TOPAZ1: variants seen among roughly 807,000 people sequenced by gnomAD.
TOPAZ1 encodes protein TOPAZ1.
In TOPAZ1, 66 loss-of-function variants were observed where a neutral mutation model predicts 172.2. The ratio of observed to expected loss-of-function variants is 0.38; its 90% CI spans 0.31 to 0.47. TOPAZ1 has a LOEUF of 0.47. TOPAZ1 is among the 20% of genes least tolerant of loss of function. The probability of loss-of-function intolerance (pLI) is 0.99; values close to 1 mark genes in which losing one functional copy is unlikely to be tolerated. For missense variants in TOPAZ1, 1,822 were observed against 1,972.4 expected (o/e 0.92, Z 1.44); for synonymous variants, 681 against 683.9 (o/e 1.00, Z 0.07).
chr3:44,267,121 A>G lies in TOPAZ1; in HGVS notation c.3145A>G (p.Asn1049Asp). 1 of 1,534,834 alleles carries G rather than the reference A, an allele frequency of 6.5e-7. No homozygotes were observed. The highest frequency in any genetic ancestry group is 8.8e-7 in the Non-Finnish European group (1 of 1,140,820). ...LSGRQEDTILNTWMNDFRFLG... is the reference protein window; with the variant it reads ...LSGRQEDTILDTWMNDFRFLG... ...TGGTCGTCAAGAAGACACAATACTG[A>G]ATACCTGGATGAATGGTACTATTTG... is the stretch of plus-strand genomic sequence containing the variant. The change falls in exon 6 of 20, where the codon AAT becomes GAT. Residue 1049 changes from asparagine (N) to aspartate (D), a missense_variant. Transcript: ENST00000309765.
At chr3:44,333,724 T>A (rs1159775991), downstream of TOPAZ1, among the ~76,000 whole-genome samples, 1 of 152,170 alleles carries the variant, frequency 6.6e-6, no homozygotes, top group African/African-American at 2.4e-5. Context: ...GAAAGGAGTG[T>A]TAATCATTGC....
chr3:44,305,722 A>G (rs1443933772), intron 14 of TOPAZ1, among the ~76,000 whole-genome samples: 1 of 152,198 alleles, frequency 6.6e-6, no homozygotes, highest in Non-Finnish European at 1.5e-5. Flanking sequence ...AAAAAAAGAA[A>G]GAATGTAAAA....
At chr3:44,270,498 T>C (rs1368556060) in intron 7 of TOPAZ1, among the ~76,000 whole-genome samples, 187 bp from the exon 8 acceptor site, 1 of 152,238 alleles carries the variant, frequency 6.6e-6, no homozygotes, top group African/African-American at 2.4e-5. Context: ...CACTCTGAAA[T>C]GATTTTTTAA....
At chr3:44,264,537 G>T (rs1375336022) in intron 5 of TOPAZ1, among the ~76,000 whole-genome samples, 1 of 152,172 alleles carries the variant, frequency 6.6e-6, no homozygotes, top group Non-Finnish European at 1.5e-5. Context: ...TGAATAGGGT[G>T]GTTGAAGATT....
At chr3:44,308,792 A>C (rs866352124) in intron 15 of TOPAZ1, among the ~76,000 whole-genome samples, 2 of 152,358 alleles carry the variant, frequency 1.3e-5, no homozygotes, top group South Asian at 4.1e-4. Context: ...TTTTTTAATG[A>C]AACCTATTCC....
At chr3:44,268,721 A>AGG (rs1459680042) in intron 6 of TOPAZ1, among the ~76,000 whole-genome samples, 8 of 152,058 alleles carry the variant, frequency 5.3e-5, no homozygotes, top group Admixed American at 2.0e-4. Flanking sequence ...CCATTGATTC[A>AGG]GGACCCCACC....
At position 44,267,079 on chromosome 3, in the gene TOPAZ1, C is replaced by T. The variant is rs747951239; in HGVS notation, c.3103C>T (p.Pro1035Ser). 6 of 1,548,362 alleles carry T rather than the reference C, an allele frequency of 3.9e-6. No individual in the cohort carries two copies. The highest frequency in any genetic ancestry group is 1.4e-5 in the African/African-American group (1 of 72,950). The part of the protein sequence containing the change: ...PVPKPLCLLV[P>S]PLNLSGRQED... Reference sequence around the variant, plus strand: ...CCCGAAACCTCTGTGTTTATTAGTACCTCCTTTGAATCTAAGTGGTCGTCA... The same window carrying T: ...CCCGAAACCTCTGTGTTTATTAGTATCTCCTTTGAATCTAAGTGGTCGTCA... Residue 1035 changes from proline to serine, a missense_variant, in exon 6 of 20, where the codon CCT (proline) becomes TCT (serine). Coordinates refer to ENST00000309765, the MANE Select transcript of TOPAZ1 (RefSeq NM_001145030.2).
intron 4 of TOPAZ1, among the ~76,000 whole-genome samples, chr3:44,260,164 C>T (rs566335301): frequency 6.6e-4 from 100 of 152,256 alleles, no homozygotes; most frequent in Non-Finnish European, 1.1e-3. Flanking sequence ...TGCTGAACTG[C>T]GAGTCAATTA....
At chr3:44,334,587 G>A (rs916582708), downstream of TOPAZ1, among the ~76,000 whole-genome samples, 1 of 152,120 alleles carries the variant, frequency 6.6e-6, no homozygotes, top group Admixed American at 6.5e-5. Context: ...CTTAATGAGA[G>A]CATTAAAGAG....
intron 8 of TOPAZ1, among the ~76,000 whole-genome samples, chr3:44,278,957 C>T (rs147600703): frequency 6.6e-6 from 1 of 152,082 alleles, no homozygotes; most frequent in East Asian, 1.9e-4. Context: ...ACTTTTTTAA[C>T]ATAGGCATTT....
At chr3:44,278,249 T>G (rs893940567) in intron 8 of TOPAZ1, among the ~76,000 whole-genome samples, 1 of 152,220 alleles carries the variant, frequency 6.6e-6, no homozygotes, top group African/African-American at 2.4e-5. Flanking sequence ...ATGATGTATT[T>G]TTTTTATGTG....
At chr3:44,300,923 C>T (rs954059759) in intron 12 of TOPAZ1, among the ~76,000 whole-genome samples, 2 of 150,890 alleles carry the variant, frequency 1.3e-5, no homozygotes, top group Non-Finnish European at 2.9e-5. Context: ...TGGTACATAC[C>T]ATGGCATACT....
At position 44,297,388 on chromosome 3, in the gene TOPAZ1, A is replaced by G. The variant is rs531984580; in HGVS notation, c.3797+6502A>G. Reference sequence around the variant, plus strand: ...TCATATCTACAACATAAGAAGAAAAACCACATGATTATTCAATTAATACAG... The same window carrying G: ...TCATATCTACAACATAAGAAGAAAAGCCACATGATTATTCAATTAATACAG... On this transcript the variant is annotated intron_variant, in intron 12 of 19. Transcript: ENST00000309765. Among the ~76,000 whole-genome samples, 40 of 152,244 alleles carry G rather than the reference A, an allele frequency of 2.6e-4. No homozygotes were observed. The East Asian group carries it at 7.5e-3, about 29-fold the overall frequency.
At chr3:44,260,897 A>G (rs923321201) in intron 4 of TOPAZ1, among the ~76,000 whole-genome samples, 3 of 152,142 alleles carry the variant, frequency 2.0e-5, no homozygotes. Context: ...CAGTTGTTCT[A>G]CCATTTATTG....
Position 44,243,014 on chromosome 3 carries a change from A to G in TOPAZ1, c.508A>G (p.Ile170Val), listed in dbSNP as rs1699505649. The G allele has an allele frequency of 6.5e-7, 1 of 1,543,886 alleles. No individual in the cohort carries two copies. The highest frequency in any genetic ancestry group is 1.4e-5 in the African/African-American group (1 of 72,452). Residue 170 changes from isoleucine (I) to valine (V), a missense_variant, in exon 2 of 20, where the codon ATT (isoleucine) becomes GTT (valine). Ile to Val is a conservative substitution (Grantham distance 29). This residue lies in a region of TOPAZ1 where 1,489 missense variants were observed against 1,490.8 expected (regional missense o/e 1.00). Transcript: ENST00000309765. ...ESIIEGIKRR[I>V]RNKKLKSLEN... ...TATAATAGAAGGTATTAAAAGAAGAATTCGAAATAAAAAACTTAAAAGCTT... is the reference window on the plus strand; with the variant it reads ...TATAATAGAAGGTATTAAAAGAAGAGTTCGAAATAAAAAACTTAAAAGCTT...
In TOPAZ1 at chr3:44,243,831, C is replaced by T. The variant is rs1265236681; in HGVS notation, c.1325C>T (p.Ser442Leu). 16 of 1,551,352 alleles carry T rather than the reference C, an allele frequency of 1.0e-5. No individual in the cohort carries two copies. The highest frequency in any genetic ancestry group is 6.0e-5 in the South Asian group (5 of 83,972). ...SEPLGYESMA[S>L]KEDFKSMKSF... ...CCGTTAGGTTATGAAAGCATGGCAT[C>T]GAAAGAGGATTTTAAATCGATGAAA... The change falls in exon 2 of 20, where the codon TCG becomes TTG. Residue 442 changes from serine to leucine, a missense_variant. Transcript: ENST00000309765.
chr3:44,263,254 A>G (rs999325990), intron 5 of TOPAZ1, among the ~76,000 whole-genome samples: 1 of 152,220 alleles, frequency 6.6e-6, no homozygotes, highest in Admixed American at 6.5e-5. Context: ...ATACTAAAGA[A>G]AAAGGAAGAT....
chr3:44,268,692 T>C (rs551600895), intron 6 of TOPAZ1, among the ~76,000 whole-genome samples: 10 of 152,176 alleles, frequency 6.6e-5, no homozygotes, highest in African/African-American at 2.4e-4. Context: ...TGGTGCCTAT[T>C]CATATAAGGA....
intron 14 of TOPAZ1, 101 bp downstream of exon 14, chr3:44,305,422 T>C: frequency 9.5e-7 from 1 of 1,049,090 alleles, no homozygotes; most frequent in Non-Finnish European, 1.3e-6. Flanking sequence ...CAGGCTGGAG[T>C]ACAGGGGTGC....
Sources: gnomAD v4.1 joint callset for allele counts (sites outside exome capture counted in the v4.1 genomes callset) on GRCh38, gnomAD v4.1.1 for gene constraint, gnomAD v4.1.1 regional missense constraint, MANE v1.5 for transcripts, NCBI Gene and HGNC (gene_info 2026-07-23, HGNC 2026-07-21) for gene names.